The following COLGALT2 variants were observed in gnomAD, a reference collection of about 807,000 sequenced individuals.
COLGALT2 encodes procollagen galactosyltransferase 2.
Under a neutral mutation model 73.4 loss-of-function variants are expected in COLGALT2, and 49 were observed. That is an observed-to-expected ratio of 0.67 (90% CI 0.53 to 0.85). The LOEUF (loss-of-function observed/expected upper bound fraction) is 0.85. COLGALT2 is among the 40% of genes least tolerant of loss of function. COLGALT2 has a pLI of 0.00. For missense variants in COLGALT2, 722 were observed against 790.2 expected (o/e 0.91, Z 1.03); for synonymous variants, 295 against 307.6 (o/e 0.96, Z 0.43).
intron 1 of COLGALT2, among the ~76,000 whole-genome samples, chr1:184,036,422 C>G (rs139571625): frequency 2.0e-5 from 3 of 152,362 alleles, no homozygotes; most frequent in African/African-American, 7.2e-5. Context: ...GGACGTGGAA[C>G]CCCGATGCAC....
chr1:183,990,010 A>G (rs574229816), intron 1 of COLGALT2, among the ~76,000 whole-genome samples: 54 of 152,340 alleles, frequency 3.5e-4, no homozygotes, highest in Admixed American at 3.5e-3. Flanking sequence ...ACATGCAAAA[A>G]AGTTCAACAC....
chr1:183,966,431 T>A, intron 5 of COLGALT2, among the ~76,000 whole-genome samples: 1 of 152,182 alleles, frequency 6.6e-6, no homozygotes, highest in East Asian at 1.9e-4. Context: ...TGATGAAAAA[T>A]CAGATTCAGG....
At chr1:184,036,340 G>C (rs995112660) in intron 1 of COLGALT2, among the ~76,000 whole-genome samples, 1 of 152,202 alleles carries the variant, frequency 6.6e-6, no homozygotes, top group Non-Finnish European at 1.5e-5. Context: ...ACAGGGACCA[G>C]GTCCAAGCTT....
chr1:183,938,582 T>G lies in COLGALT2; in HGVS notation c.*179A>C. 1 of 1,424,870 alleles carries G rather than the reference T, an allele frequency of 7.0e-7. No individual in the cohort carries two copies. Among genetic ancestry groups the G allele is most frequent in the Non-Finnish European group, 9.2e-7 (1 of 1,091,400 alleles). The allele number at this position is 1,424,870 out of a possible 1,614,324, so 88.3% of individuals were successfully genotyped here. A position where few individuals can be genotyped will look rare whatever the true frequency, so the allele number is the denominator to read the frequency against. On this transcript the variant is annotated 3_prime_UTR_variant, in exon 12 of 12. Transcript: ENST00000361927. ...CTTGGGAAATTTGGGTTGAATTTCC[T>G]TATTTCCTTCCATGGTCAAAAATAT...
At chr1:183,958,333 A>C (rs1450023676) in intron 6 of COLGALT2, among the ~76,000 whole-genome samples, 3 of 152,178 alleles carry the variant, frequency 2.0e-5, no homozygotes, top group African/African-American at 7.2e-5. Flanking sequence ...AATCCTGGTT[A>C]AACCCATTGC....
intron 8 of COLGALT2, among the ~76,000 whole-genome samples, chr1:183,948,616 T>C (rs1208778937): frequency 2.0e-5 from 3 of 152,182 alleles, no homozygotes; most frequent in African/African-American, 7.2e-5. Context: ...ATTAACATCA[T>C]ACTTAGCAGT....
At chr1:183,932,068 G>A (rs1452598372), downstream of COLGALT2, among the ~76,000 whole-genome samples, 2 of 152,140 alleles carry the variant, frequency 1.3e-5, no homozygotes, top group Admixed American at 6.5e-5. Flanking sequence ...GACAGACATG[G>A]GTTAGAAGTG....
intron 1 of COLGALT2, among the ~76,000 whole-genome samples, chr1:183,982,630 C>T (rs1410362378): frequency 3.3e-5 from 5 of 152,110 alleles, no homozygotes; most frequent in South Asian, 4.1e-4. Flanking sequence ...TATTTATAAA[C>T]GGCATAAGAG....
At chr1:183,943,376 T>C (rs894728356) in intron 10 of COLGALT2, among the ~76,000 whole-genome samples, 1 of 152,104 alleles carries the variant, frequency 6.6e-6, no homozygotes, top group Non-Finnish European at 1.5e-5. Flanking sequence ...AACACAATGC[T>C]TGGGAACTTT....
rs1343733291 is a variant in COLGALT2 at position 183,997,149 on chromosome 1, C to G, written c.264-18629G>C. 2.6e-5 allele frequency among the ~76,000 whole-genome samples: 4 copies of G among 152,280 alleles called. No homozygotes were observed. The East Asian group carries it at 7.7e-4, about 29-fold the overall frequency. ...AGTAAATCAATTTACTTCTCAAGTT[C>G]ATTTTCTGTAGAAAAAAACCACATT... On this transcript the variant is annotated intron_variant, in intron 1 of 11. Transcript: ENST00000361927.
downstream of COLGALT2, chr1:183,929,775 C>T (rs577442840): frequency 6.5e-6 from 1 of 154,354 alleles, no homozygotes; most frequent in Admixed American, 6.3e-5. Flanking sequence ...TCCCCCTAGA[C>T]ATCTCTCTTA....
At chr1:183,948,518 A>G (rs1401635395) in intron 8 of COLGALT2, among the ~76,000 whole-genome samples, 3 of 152,186 alleles carry the variant, frequency 2.0e-5, no homozygotes, top group Non-Finnish European at 4.4e-5. Flanking sequence ...ACAAAATCCA[A>G]TACCCTTTTA....
At chr1:184,035,787 C>T (rs1472039937) in intron 1 of COLGALT2, among the ~76,000 whole-genome samples, 7 of 152,154 alleles carry the variant, frequency 4.6e-5, no homozygotes, top group African/African-American at 7.2e-5. Flanking sequence ...AAAAAAAAAT[C>T]CTTCCTTCTG....
At chr1:183,996,446 G>A (rs1671772821) in intron 1 of COLGALT2, among the ~76,000 whole-genome samples, 1 of 152,188 alleles carries the variant, frequency 6.6e-6, no homozygotes, top group African/African-American at 2.4e-5. Context: ...AGACAAAATG[G>A]ACAGAAAACT....
chr1:184,002,339 A>C (rs970840129), intron 1 of COLGALT2, among the ~76,000 whole-genome samples: 47 of 152,348 alleles, frequency 3.1e-4, no homozygotes, highest in African/African-American at 1.1e-3. Flanking sequence ...ACTCATGGCC[A>C]TCTGCATTCC....
At chr1:183,965,553 G>A (rs751904954) in intron 5 of COLGALT2, among the ~76,000 whole-genome samples, 11 of 152,166 alleles carry the variant, frequency 7.2e-5, no homozygotes, top group Non-Finnish European at 1.3e-4. Flanking sequence ...ACATGAACAG[G>A]AGAGTCAGTG....
downstream of COLGALT2, among the ~76,000 whole-genome samples, chr1:183,933,631 A>C (rs1669888458): frequency 6.6e-6 from 1 of 152,274 alleles, no homozygotes; most frequent in Non-Finnish European, 1.5e-5. Context: ...GAACAGAGAG[A>C]GAGAGAGAGC....
chr1:183,937,482 C>T lies in COLGALT2; in HGVS notation c.*1279G>A. ...ATATCTTTTGAGAAAGGGTGTCCGC[C>T]TGGGATTCTAAGAGCTTCCCTGGTT... is the stretch of plus-strand genomic sequence containing the variant. On this transcript the variant is annotated 3_prime_UTR_variant, in exon 12 of 12. Transcript: ENST00000361927. 3.0e-6 allele frequency: 3 copies of T among 985,508 alleles called. No homozygotes were observed. The highest frequency in any genetic ancestry group is 3.6e-6 in the Non-Finnish European group (3 of 830,000). The allele number at this position is 985,508 out of a possible 1,614,324, so 61.0% of individuals were successfully genotyped here.
chr1:183,981,778 AAAT>A (rs1204498260), intron 1 of COLGALT2, among the ~76,000 whole-genome samples: 3 of 152,198 alleles, frequency 2.0e-5, no homozygotes, highest in Non-Finnish European at 2.9e-5. Context: ...TTATCTCCTA[AAAT>A]AATAATCTTT....
Sources: gnomAD v4.1 joint callset for allele counts (sites outside exome capture counted in the v4.1 genomes callset) on GRCh38, gnomAD v4.1.1 for gene constraint, MANE v1.5 for transcripts, NCBI Gene and HGNC (gene_info 2026-07-23, HGNC 2026-07-21) for gene names.